STRADA: variants seen among roughly 807,000 people sequenced by gnomAD.
The protein encoded by STRADA is STE20 related adaptor alpha.
In STRADA, 26 loss-of-function variants were observed where a neutral mutation model predicts 55.0. The observed-to-expected ratio is 0.47, with a 90% CI of 0.35 to 0.66. STRADA has a LOEUF of 0.66. STRADA is among the 30% of genes least tolerant of loss of function. STRADA has a pLI of 0.01. For synonymous variants in STRADA, 197 were observed against 210.9 expected (o/e 0.93, Z 0.57); for missense variants, 443 against 549.7 (o/e 0.81, Z 1.94).
chr17:63,718,453 C>A (rs1414161750), intron 4 of STRADA, among the ~76,000 whole-genome samples: 3 of 152,222 alleles, frequency 2.0e-5, no homozygotes, highest in Non-Finnish European at 4.4e-5. Context: ...TTTTCTCAAC[C>A]TTATATACGC....
At chr17:63,731,676 A>G (rs1032295405) in intron 1 of STRADA, among the ~76,000 whole-genome samples, 2 of 152,200 alleles carry the variant, frequency 1.3e-5, no homozygotes, top group Non-Finnish European at 2.9e-5. Flanking sequence ...TAGAATGCAT[A>G]TTTAATAGTA....
In STRADA at chr17:63,704,432, C is replaced by A. The variant is rs772509390; in HGVS notation, c.1009G>T (p.Gly337Cys). Residue 337 changes from glycine to cysteine, a missense_variant, in exon 11 of 13, where the codon GGT becomes TGT. Physicochemically the swap from Gly to Cys is radical, Grantham distance 159 (BLOSUM62 -3). Transcript: ENST00000336174. Reference protein sequence around the residue: ...LTTSTPRPSNGDSPSHPYHRT... With the variant: ...LTTSTPRPSNCDSPSHPYHRT... ...TGGTAGGGGTGGGAGGGCGAGTCAC[C>A]GTTGGAGGGCCGGGGGGTGCTGGTG... 1.9e-6 allele frequency: 3 copies of A among 1,611,598 alleles called. No homozygotes were observed. Among genetic ancestry groups the A allele is most frequent in the South Asian group, 2.2e-5 (2 of 91,000 alleles).
At chr17:63,723,687 A>C (rs1198874459) in intron 3 of STRADA, 1 of 186,714 alleles carries the variant, frequency 5.4e-6, no homozygotes, top group Admixed American at 5.9e-5. Flanking sequence ...GTGAATAAAC[A>C]ATTGATTATA....
chr17:63,710,383 T>C (rs2036416124), intron 8 of STRADA, 108 bp downstream of exon 8: 4 of 1,530,036 alleles, frequency 2.6e-6, no homozygotes, highest in Non-Finnish European at 3.5e-6. Context: ...TCCAGATCCT[T>C]GATTTTAAAC....
intron 10 of STRADA, chr17:63,705,224 C>T: frequency 4.4e-6 from 2 of 453,856 alleles, no homozygotes; most frequent in Non-Finnish European, 8.0e-6. Context: ...TAGCCACTAG[C>T]CACTTGTGGC....
intron 8 of STRADA, among the ~76,000 whole-genome samples, chr17:63,708,904 T>C (rs1001607743): frequency 8.5e-5 from 13 of 152,242 alleles, no homozygotes; most frequent in African/African-American, 3.1e-4. Context: ...TTGTAAAGTG[T>C]ACCTAGGGGT....
intron 1 of STRADA, among the ~76,000 whole-genome samples, chr17:63,731,089 G>A (rs375199840): frequency 4.6e-5 from 7 of 151,424 alleles, no homozygotes; most frequent in East Asian, 1.9e-4. Flanking sequence ...GACTACAGGC[G>A]TGCGCCACCA....
intron 4 of STRADA, among the ~76,000 whole-genome samples, chr17:63,717,558 G>T (rs193125537): frequency 2.0e-5 from 3 of 151,950 alleles, no homozygotes; most frequent in African/African-American, 7.3e-5. Flanking sequence ...TCAGCTTACT[G>T]CAACCTCTGC....
At chr17:63,711,755 G>A (rs1405009887) in intron 6 of STRADA, among the ~76,000 whole-genome samples, 12 of 152,074 alleles carry the variant, frequency 7.9e-5, no homozygotes, top group South Asian at 6.2e-4. Context: ...GCAACATGGC[G>A]AAACCCCATC....
chr17:63,739,920 G>A (rs1241523021), intron 1 of STRADA, among the ~76,000 whole-genome samples: 2 of 146,268 alleles, frequency 1.4e-5, no homozygotes, highest in African/African-American at 5.1e-5. Context: ...ATCGGTGGCA[G>A]AGCGAGGAGT....
At chr17:63,741,554 C>T (rs2038950011) in intron 1 of STRADA, 187 bp downstream of exon 1, 1 of 152,818 alleles carries the variant, frequency 6.5e-6, no homozygotes, top group African/African-American at 2.4e-5. Context: ...CAAGCCTATT[C>T]TGCTCTCGGG....
Position 63,706,632 on chromosome 17 carries a change from T to C in STRADA, c.858+3A>G, listed in dbSNP as rs759285129. ...GAAGGAAACCGATGGGCGGCAGGCT[T>C]ACCTGGGTGGCAGGCATATCCTTAA... On this transcript the variant is annotated splice_donor_region_variant and intron_variant, in intron 10 of 12. Transcript: ENST00000336174. 15 of 1,610,884 alleles carry C rather than the reference T, an allele frequency of 9.3e-6. No individual in the cohort carries two copies. The highest frequency in any genetic ancestry group is 1.1e-5 in the Non-Finnish European group (13 of 1,178,042).
chr17:63,739,992 T>G (rs549829119), intron 1 of STRADA, among the ~76,000 whole-genome samples: 4 of 145,852 alleles, frequency 2.7e-5, no homozygotes, highest in East Asian at 2.0e-4. Context: ...GGTTTCAAAC[T>G]CCGGAGCTCA....
chr17:63,703,873 A>C, intron 12 of STRADA, 122 bp from the exon 13 acceptor site: 2 of 1,611,572 alleles, frequency 1.2e-6, no homozygotes, highest in Non-Finnish European at 1.7e-6. Flanking sequence ...GAGAGGAAGG[A>C]GCAGTGTCTT....
intron 10 of STRADA, chr17:63,705,000 T>C: frequency 8.2e-7 from 1 of 1,222,702 alleles, no homozygotes; most frequent in Non-Finnish European, 1.2e-6. Flanking sequence ...AGGCAGTCCC[T>C]GCAGTGCCAC....
At position 63,704,396 on chromosome 17, in the gene STRADA, A is replaced by G; in HGVS notation, c.1045T>C (p.Ser349Pro). The G allele has an allele frequency of 1.2e-6, 2 of 1,608,888 alleles. No individual in the cohort carries two copies. Among genetic ancestry groups the G allele is most frequent in the Non-Finnish European group, 1.7e-6 (2 of 1,178,382 alleles). Residue 349 changes from serine to proline, a missense_variant, in exon 11 of 13, where the codon TCC (serine) becomes CCC (proline). Ser to Pro is a moderately conservative substitution (Grantham distance 74). Transcript: ENST00000336174. ...TCCACAAAGTGGTGGAAGTGGGGGG[A>G]GAAGGTTCGGTGGTAGGGGTGGGAG... ...SPSHPYHRTF[S>P]PHFHHFVEQC...
chr17:63,731,066 C>T (rs1042521077), intron 1 of STRADA, among the ~76,000 whole-genome samples: 5 of 152,004 alleles, frequency 3.3e-5, no homozygotes, highest in South Asian at 4.1e-4. Flanking sequence ...GCCTCAGCCT[C>T]CTGAGTAGCT....
intron 10 of STRADA, chr17:63,705,080 G>T (rs1221642534): frequency 5.9e-6 from 4 of 675,882 alleles, no homozygotes; most frequent in Non-Finnish European, 7.8e-6. Context: ...CTGGGTGGCT[G>T]TTCCAAAGTA....
At chr17:63,706,770 C>T (rs2036122278) in intron 9 of STRADA, 31 bp from the exon 10 acceptor site, 2 of 1,552,172 alleles carry the variant, frequency 1.3e-6, no homozygotes, top group Non-Finnish European at 1.8e-6. Context: ...CACAGATTAC[C>T]CCATTTGGTC....
Sources: gnomAD v4.1 joint callset for allele counts (sites outside exome capture counted in the v4.1 genomes callset) on GRCh38, gnomAD v4.1.1 for gene constraint, MANE v1.5 for transcripts, NCBI Gene and HGNC (gene_info 2026-07-23, HGNC 2026-07-21) for gene names.